PDE10A: variants seen among roughly 807,000 people sequenced by gnomAD.
PDE10A encodes cAMP and cAMP-inhibited cGMP 3',5'-cyclic phosphodiesterase 10A.
Under a neutral mutation model 97.7 loss-of-function variants are expected in PDE10A, and 39 were observed. That is an observed-to-expected ratio of 0.40 (90% CI 0.31 to 0.52). The LOEUF (loss-of-function observed/expected upper bound fraction) is 0.52. PDE10A is among the 20% of genes least tolerant of loss of function. The pLI is 0.56. For synonymous variants in PDE10A, 371 were observed against 376.8 expected, an observed-to-expected ratio of 0.98 and a Z score of 0.18; for missense variants, 731 against 1,047.8, an observed-to-expected ratio of 0.70 and a Z score of 4.17.
chr6:165,379,261 C>T lies in PDE10A; in HGVS notation c.2716G>A (p.Gly906Arg). Residue 906 changes from glycine to arginine, a missense_variant, in exon 18 of 22, where the codon GGA becomes AGA. By Grantham distance (125) the Gly-to-Arg change is moderately radical (BLOSUM62 -2). Transcript: ENST00000539869. Reference sequence around the variant, plus strand: ...ATCTCTTCCAACTGCTTCCTGTTTCCAAAGTATAAAGCAAGGTCTGTGGCA... The same window carrying T: ...ATCTCTTCCAACTGCTTCCTGTTTCTAAAGTATAAAGCAAGGTCTGTGGCA... ...IIATDLALYF[G>R]NRKQLEEMYQ... The T allele has an allele frequency of 6.2e-7, 1 of 1,613,582 alleles. No individual in the cohort carries two copies. The highest frequency in any genetic ancestry group is 8.5e-7 in the Non-Finnish European group (1 of 1,179,658).
chr6:165,431,707 A>G (rs1039850516), intron 7 of PDE10A, among the ~76,000 whole-genome samples: 4 of 151,188 alleles, frequency 2.6e-5, no homozygotes, highest in African/African-American at 9.7e-5. Flanking sequence ...ATTTTCTGAC[A>G]TCACTGAGCT....
At chr6:165,410,521 T>G (rs2128225908) in intron 13 of PDE10A, among the ~76,000 whole-genome samples, 1 of 151,888 alleles carries the variant, frequency 6.6e-6, no homozygotes, top group Admixed American at 6.6e-5. Flanking sequence ...AGACTGGAGG[T>G]TAGGTATCGT....
At chr6:165,973,491 G>A (rs2128501837) in intron 1 of PDE10A, among the ~76,000 whole-genome samples, 1 of 152,036 alleles carries the variant, frequency 6.6e-6, no homozygotes, top group South Asian at 2.1e-4. Context: ...GTGAGTGAAA[G>A]ATAAAAGGAA....
chr6:165,903,856 G>A (rs76473725), intron 1 of PDE10A, among the ~76,000 whole-genome samples: 14,304 of 152,130 alleles, frequency 0.094, 825 homozygotes, highest in African/African-American at 0.16. Context: ...GACTTAAGGT[G>A]GAAGCAGTCA....
intron 2 of PDE10A, among the ~76,000 whole-genome samples, chr6:165,517,940 T>C (rs1374505859): frequency 6.6e-6 from 1 of 152,234 alleles, no homozygotes; most frequent in Non-Finnish European, 1.5e-5. Flanking sequence ...AATCCTTACA[T>C]CATTCCTATG....
intron 3 of PDE10A, among the ~76,000 whole-genome samples, chr6:165,453,260 G>A (rs1241581677): frequency 3.9e-5 from 6 of 152,184 alleles, no homozygotes; most frequent in African/African-American, 1.4e-4. Context: ...GTAATTAAAA[G>A]GGAAGCAGAA....
At chr6:165,831,785 G>A (rs1018066370) in intron 1 of PDE10A, among the ~76,000 whole-genome samples, 2 of 151,960 alleles carry the variant, frequency 1.3e-5, no homozygotes, top group African/African-American at 2.4e-5. Context: ...GCACCCGGCC[G>A]CAGGAATCAT....
At chr6:165,354,321 T>A (rs1334779523) in intron 18 of PDE10A, among the ~76,000 whole-genome samples, 1 of 152,198 alleles carries the variant, frequency 6.6e-6, no homozygotes, top group African/African-American at 2.4e-5. Context: ...TCAGCCATCC[T>A]GAATAAAGAA....
At chr6:165,514,316 TC>T (rs1368218450) in intron 2 of PDE10A, among the ~76,000 whole-genome samples, 14 of 152,212 alleles carry the variant, frequency 9.2e-5, no homozygotes, top group African/African-American at 3.4e-4. Flanking sequence ...ATGCTTTTCT[TC>T]CTTCTCTATT....
At position 165,917,817 on chromosome 6, in the gene PDE10A, C is replaced by A. The variant is rs543148560; in HGVS notation, c.-615+69712G>T. On this transcript the variant is annotated intron_variant, in intron 1 of 19. Coordinates refer to the PDE10A transcript ENST00000366882. ...TTAGGCGCCATCTCCTCTTCTGCAT[C>A]CCAGAGCCCCTCACGGGTTCTCTGA... Among the ~76,000 whole-genome samples the A allele has an allele frequency of 2.0e-5, 3 of 152,166 alleles. No homozygotes were observed. In the East Asian group the frequency reaches 5.8e-4, roughly 29 times the overall value.
intron 1 of PDE10A, chr6:165,894,433 G>A (rs1431789077): frequency 1.8e-5 from 8 of 455,830 alleles, no homozygotes; most frequent in Admixed American, 7.1e-5. Context: ...GTCAAGGCCT[G>A]CATTCAGGCT....
At chr6:165,966,473 G>A (rs1303646417) in intron 1 of PDE10A, among the ~76,000 whole-genome samples, 1 of 152,188 alleles carries the variant, frequency 6.6e-6, no homozygotes, top group Non-Finnish European at 1.5e-5. Context: ...TGGACGTGAG[G>A]GACAACATGC....
intron 3 of PDE10A, among the ~76,000 whole-genome samples, chr6:165,464,953 T>A (rs771470272): frequency 5.3e-5 from 8 of 152,248 alleles, no homozygotes; most frequent in Admixed American, 4.6e-4. Context: ...CTATTATGAA[T>A]AAAGCCTGCT....
At chr6:165,480,388 C>A (rs1327119859) in intron 3 of PDE10A, among the ~76,000 whole-genome samples, 1 of 151,898 alleles carries the variant, frequency 6.6e-6, no homozygotes. Flanking sequence ...AGGAGTTCAA[C>A]ACTAGCTTGG....
At chr6:165,440,387 T>C (rs1216501791) in intron 5 of PDE10A, among the ~76,000 whole-genome samples, 1 of 152,240 alleles carries the variant, frequency 6.6e-6, no homozygotes, top group Admixed American at 6.5e-5. Context: ...TTCCCAATTG[T>C]ATCCCAAGTA....
intron 1 of PDE10A, among the ~76,000 whole-genome samples, chr6:165,648,678 T>C (rs998491031): frequency 1.3e-5 from 2 of 151,682 alleles, no homozygotes; most frequent in Non-Finnish European, 2.9e-5. Flanking sequence ...ACAAAGAAAA[T>C]TCAAAAATCA....
chr6:165,730,326 C>T (rs1424327739), intron 1 of PDE10A, among the ~76,000 whole-genome samples: 5 of 152,186 alleles, frequency 3.3e-5, no homozygotes, highest in Non-Finnish European at 7.3e-5. Flanking sequence ...ATGTAAAAGC[C>T]ATGTGTTCTC....
chr6:165,418,721 A>G lies in PDE10A; in HGVS notation c.1710T>C (p.His570=), dbSNP rs765695354. 3 of 1,613,760 alleles carry G rather than the reference A, an allele frequency of 1.9e-6. No homozygotes were observed. The South Asian group carries it at 3.3e-5, about 18-fold the overall frequency. ...GGTCTGAATATAACTCCTTGTTCTT[A>G]TGGTCCACCTGGAAAAGCGCACAAC... ...ADRCALFQVD[H]KNKELYSDLF... is the part of the protein sequence containing the mutation. Residue 570 remains histidine, a synonymous_variant, in exon 11 of 22, where the codon CAT becomes CAC. Transcript: ENST00000539869. This position sits in a 1 kb window ranked among gnomAD's most constrained non-coding sequence, Gnocchi z 4.8.
At chr6:165,914,016 T>G (rs956378102) in intron 1 of PDE10A, among the ~76,000 whole-genome samples, 1 of 152,250 alleles carries the variant, frequency 6.6e-6, no homozygotes, top group African/African-American at 2.4e-5. Context: ...ATATTCTAAA[T>G]ATCTTAAGTG....
Sources: allele counts gnomAD v4.1 joint callset (sites outside exome capture counted in the v4.1 genomes callset), GRCh38; gene constraint gnomAD v4.1.1; non-coding constraint Gnocchi (gnomAD v3.1); transcripts MANE v1.5; gene names NCBI Gene and HGNC (gene_info 2026-07-23, HGNC 2026-07-21).